RBFOX1: variants seen among roughly 807,000 people sequenced by gnomAD.
RBFOX1 encodes RNA binding fox-1 homolog 1.
In RBFOX1, 8 loss-of-function variants were observed where a neutral mutation model predicts 57.7. That is an observed-to-expected ratio of 0.14 (90% confidence interval 0.08 to 0.25). The LOEUF (loss-of-function observed/expected upper bound fraction) is 0.25, where lower values mean the gene tolerates loss of function less well. RBFOX1 is among the 10% of genes least tolerant of loss of function. The pLI, the probability that RBFOX1 is intolerant of heterozygous loss-of-function variation, is 1.00. For synonymous variants in RBFOX1, 326 were observed against 222.4 expected, an observed-to-expected ratio of 1.47 and a Z score of -4.15; for missense variants, 611 against 548.5, an observed-to-expected ratio of 1.11 and a Z score of -1.14.
chr16:6,297,926 C>A (rs74005082), intron 1 of RBFOX1, among the ~76,000 whole-genome samples: 1 of 152,148 alleles, frequency 6.6e-6, no homozygotes, highest in Non-Finnish European at 1.5e-5. Flanking sequence ...CCACCTCCAC[C>A]GCTCAATAAA....
intron 2 of RBFOX1, among the ~76,000 whole-genome samples, chr16:6,581,551 A>G (rs1317338807): frequency 2.0e-5 from 3 of 152,200 alleles, no homozygotes; most frequent in Non-Finnish European, 4.4e-5. Context: ...GAGTGCCAAC[A>G]GGGGATGGCC....
intron 2 of RBFOX1, among the ~76,000 whole-genome samples, chr16:6,490,208 T>G (rs1384821580): frequency 6.6e-6 from 1 of 152,184 alleles, no homozygotes; most frequent in Non-Finnish European, 1.5e-5. Flanking sequence ...TATTTTTAAA[T>G]AGAAATGCCA....
At chr16:6,836,165 C>T (rs1345740798) in intron 3 of RBFOX1, among the ~76,000 whole-genome samples, 1 of 152,164 alleles carries the variant, frequency 6.6e-6, no homozygotes, top group East Asian at 1.9e-4. Context: ...AATACGTCAC[C>T]GGGTAACGCA....
intron 4 of RBFOX1, among the ~76,000 whole-genome samples, chr16:5,950,914 C>T (rs1438890275): frequency 6.6e-6 from 1 of 152,160 alleles, no homozygotes; most frequent in African/African-American, 2.4e-5. Context: ...CAACCCAGGC[C>T]AGAGAGGATA....
chr16:5,876,299 AAT>A (rs75224834), intron 4 of RBFOX1, among the ~76,000 whole-genome samples: 65,157 of 151,828 alleles, frequency 0.43, 14,571 homozygotes, highest in African/African-American at 0.54. Context: ...TCATCCTCAC[AAT>A]ATAACCCTAT....
intron 2 of RBFOX1, among the ~76,000 whole-genome samples, chr16:6,511,205 G>A (rs985026714): frequency 1.3e-5 from 2 of 152,152 alleles, no homozygotes; most frequent in African/African-American, 2.4e-5. Context: ...ATGGAGGAGC[G>A]AAGAGTGTGA....
At chr16:6,002,838 G>T (rs139921995) in intron 4 of RBFOX1, among the ~76,000 whole-genome samples, 1 of 152,316 alleles carries the variant, frequency 6.6e-6, no homozygotes, top group East Asian at 1.9e-4. Flanking sequence ...GTGGTTTGTG[G>T]ACTCCCATAG....
chr16:6,585,016 C>T (rs1026476213), intron 2 of RBFOX1, among the ~76,000 whole-genome samples: 11 of 152,122 alleles, frequency 7.2e-5, no homozygotes, highest in African/African-American at 2.7e-4. Context: ...CAAGCGGATT[C>T]CCAGGCAGAA....
chr16:5,481,649 A>T (rs759623845), intron 2 of RBFOX1, among the ~76,000 whole-genome samples: 2 of 152,246 alleles, frequency 1.3e-5, no homozygotes, highest in Non-Finnish European at 2.9e-5. Context: ...AAAATGTCAC[A>T]GTCAGCTCTT....
At chr16:6,001,604 A>T (rs1285451278) in intron 4 of RBFOX1, among the ~76,000 whole-genome samples, 1 of 152,238 alleles carries the variant, frequency 6.6e-6, no homozygotes, top group African/African-American at 2.4e-5. Flanking sequence ...TACTACAGAG[A>T]CAAGATTATT....
At chr16:6,145,207 G>A (rs1399040425) in intron 1 of RBFOX1, among the ~76,000 whole-genome samples, 1 of 151,878 alleles carries the variant, frequency 6.6e-6, no homozygotes, top group Non-Finnish European at 1.5e-5. Flanking sequence ...CCTAGGAAAG[G>A]CCCTGGGTGT....
chr16:6,732,952 C>G (rs7186474), intron 3 of RBFOX1, among the ~76,000 whole-genome samples: 1 of 152,120 alleles, frequency 6.6e-6, no homozygotes, highest in African/African-American at 2.4e-5. Flanking sequence ...AAAGTAAGAG[C>G]TACTTTTACA....
chr16:7,186,022 A>G (rs1441957474), intron 4 of RBFOX1, among the ~76,000 whole-genome samples: 1 of 152,150 alleles, frequency 6.6e-6, no homozygotes, highest in Non-Finnish European at 1.5e-5. Context: ...GCACACAGAC[A>G]GGTTCAGCGA....
At chr16:7,333,806 C>G (rs983429755) in intron 4 of RBFOX1, among the ~76,000 whole-genome samples, 2 of 151,874 alleles carry the variant, frequency 1.3e-5, no homozygotes, top group Non-Finnish European at 2.9e-5. Context: ...TCTTTGCAAG[C>G]AGGTATTGCC....
chr16:6,818,211 G>A (rs754195331), intron 3 of RBFOX1, among the ~76,000 whole-genome samples: 2 of 152,080 alleles, frequency 1.3e-5, no homozygotes, highest in Non-Finnish European at 2.9e-5. Context: ...GTGACAGTTT[G>A]GCCAACGAAA....
intron 11 of RBFOX1, among the ~76,000 whole-genome samples, chr16:7,638,397 C>G (rs1321359855): frequency 7.1e-6 from 1 of 140,150 alleles, no homozygotes; most frequent in Non-Finnish European, 1.5e-5. Context: ...AAATCCCAAG[C>G]CGCCTTCTTC....
At chr16:6,720,983 A>G (rs1429308913) in intron 3 of RBFOX1, among the ~76,000 whole-genome samples, 1 of 152,180 alleles carries the variant, frequency 6.6e-6, no homozygotes, top group Non-Finnish European at 1.5e-5. Flanking sequence ...TAACATAAGG[A>G]TCATGAGGGC....
At chr16:7,031,885 C>G (rs1048348897) in intron 3 of RBFOX1, among the ~76,000 whole-genome samples, 13 of 152,188 alleles carry the variant, frequency 8.5e-5, no homozygotes, top group African/African-American at 3.1e-4. Context: ...TGCCTTCTAA[C>G]TGATCTCTCC....
intron 4 of RBFOX1, among the ~76,000 whole-genome samples, chr16:7,237,194 C>T (rs772686073): frequency 6.6e-6 from 1 of 152,176 alleles, no homozygotes; most frequent in Non-Finnish European, 1.5e-5. Flanking sequence ...AAAATAACTT[C>T]CCTTGCCTGG....
Sources: gnomAD v4.1 joint callset for allele counts (sites outside exome capture counted in the v4.1 genomes callset) on GRCh38, gnomAD v4.1.1 for gene constraint, MANE v1.5 for transcripts, NCBI Gene and HGNC (gene_info 2026-07-23, HGNC 2026-07-21) for gene names.